Variants in BDH1 observed in about 807,000 individuals in gnomAD.
BDH1 encodes the protein D-beta-hydroxybutyrate dehydrogenase, mitochondrial.
BDH1 carries 30 observed loss-of-function variants against 33.1 expected under a neutral mutation model. The observed-to-expected ratio is 0.91, with a 90% CI of 0.68 to 1.23. BDH1 has a LOEUF of 1.23. Among genes scored for constraint, BDH1 ranks in the 50% most tolerant of loss-of-function variants. The pLI is 0.00. For synonymous variants in BDH1, 190 were observed against 183.6 expected, an observed-to-expected ratio of 1.03 and a Z score of -0.28; for missense variants, 443 against 464.4, an observed-to-expected ratio of 0.95 and a Z score of 0.42.
intron 2 of BDH1, among the ~76,000 whole-genome samples, chr3:197,553,644 C>G (rs13062106): frequency 6.6e-6 from 1 of 151,886 alleles, no homozygotes; most frequent in Non-Finnish European, 1.5e-5. Flanking sequence ...AGAGCAGAAG[C>G]AGGGAGACCC....
At position 197,511,808 on chromosome 3, in the gene BDH1, C is replaced by T. The variant is rs562942311; in HGVS notation, c.*87G>A. 1.3e-5 allele frequency: 16 copies of T among 1,268,920 alleles called. No homozygotes were observed. The highest frequency in any genetic ancestry group is 4.5e-5 in the African/African-American group (3 of 66,712). The allele number at this position is 1,268,920 out of a possible 1,614,324, so 78.6% of individuals were successfully genotyped here. A position where few individuals can be genotyped will look rare whatever the true frequency, so the allele number is the denominator to read the frequency against. On this transcript the variant is annotated 3_prime_UTR_variant, in exon 8 of 8. Transcript: ENST00000392379. ...TTCCTGGCATGGTGGATAATCCACACGTGGATAATCAAGAGTTGACTATAT... is the reference window on the plus strand; with the variant it reads ...TTCCTGGCATGGTGGATAATCCACATGTGGATAATCAAGAGTTGACTATAT...
chr3:197,515,229 C>G, intron 6 of BDH1: 1 of 957,286 alleles, frequency 1.0e-6, no homozygotes, highest in South Asian at 4.8e-5. Context: ...GGTGCCTTCT[C>G]CTTCAATTAT....
intron 1 of BDH1, among the ~76,000 whole-genome samples, chr3:197,563,050 T>G (rs1279683019): frequency 6.6e-6 from 1 of 152,230 alleles, no homozygotes; most frequent in Non-Finnish European, 1.5e-5. Context: ...TTTGGGTTTT[T>G]CTTGCAAGCT....
rs777270241 is a variant in BDH1 at position 197,511,962 on chromosome 3, CAGTAGT to C, written c.959_964del (p.Tyr320_Tyr321del). 1 of 1,605,300 alleles carries C rather than the reference CAGTAGT, an allele frequency of 6.2e-7. No individual in the cohort carries two copies. The highest frequency in any genetic ancestry group is 1.1e-5 in the South Asian group (1 of 89,646). The stretch of plus-strand genomic sequence containing the variant: ...GGTCATGATCTGCATTCGCAGCCAC[CAGTAGT>C]AGTCCATGGGGTGGTAGCGGGTGTA... On this transcript the variant is annotated inframe_deletion, in exon 8 of 8. Transcript: ENST00000392379.
At chr3:197,549,348 C>T (rs1159755041) in intron 2 of BDH1, among the ~76,000 whole-genome samples, 1 of 152,196 alleles carries the variant, frequency 6.6e-6, no homozygotes, top group African/African-American at 2.4e-5. Context: ...CACTCCTACT[C>T]CAGAAAAAAA....
At chr3:197,555,656 G>A (rs554151841) in intron 1 of BDH1, 125 bp downstream of exon 1, 128 of 152,454 alleles carry the variant, frequency 8.4e-4, no homozygotes, top group South Asian at 7.3e-3. Flanking sequence ...TGTAGGGCGC[G>A]AGCCCCCCTT....
chr3:197,553,976 C>G (rs1455144834), intron 2 of BDH1, among the ~76,000 whole-genome samples: 1 of 152,222 alleles, frequency 6.6e-6, no homozygotes, highest in African/African-American at 2.4e-5. Context: ...GCATTTCAAA[C>G]CCGAGGACAC....
At chr3:197,565,675 C>A (rs1310829660) in intron 1 of BDH1, among the ~76,000 whole-genome samples, 2 of 152,104 alleles carry the variant, frequency 1.3e-5, no homozygotes, top group East Asian at 3.9e-4. Flanking sequence ...TAAATTGTTG[C>A]TGCCACAGAG....
intron 1 of BDH1, 43 bp downstream of exon 1, chr3:197,555,738 G>A (rs1580006160): frequency 6.6e-6 from 1 of 152,314 alleles, no homozygotes; most frequent in Non-Finnish European, 1.5e-5. Context: ...AGGGCGCCAG[G>A]GAATCCCGCC....
At chr3:197,559,001 CTTT>C (rs796295489), upstream of BDH1, among the ~76,000 whole-genome samples, 3 of 137,208 alleles carry the variant, frequency 2.2e-5, no homozygotes, top group African/African-American at 2.7e-5. Context: ...GGCAATTGAA[CTTT>C]TTTTTTTTTT....
chr3:197,533,489 C>T lies in BDH1; in HGVS notation c.156G>A (p.Pro52=), dbSNP rs570279645. The change falls in exon 4 of 8, where the codon CCG becomes CCA. Residue 52 remains proline (P), a splice_region_variant and synonymous_variant. Coordinates refer to ENST00000392379, the MANE Select transcript of BDH1 (RefSeq NM_203314.3). The part of the protein sequence containing the change: ...GRRTYASAAE[P]VGSKAVLVTG... ...CCCGGGTAGCTGGGCTTCCACTCAC[C>T]GGCTCCGCCGCACTGGCATAAGTCC... is the stretch of plus-strand genomic sequence containing the variant. The T allele has an allele frequency of 2.8e-5, 45 of 1,614,096 alleles. No homozygotes were observed. In the African/African-American group the frequency reaches 2.9e-4, roughly 11 times the overall value.
chr3:197,545,302 T>C (rs1031925976), intron 3 of BDH1, among the ~76,000 whole-genome samples: 4 of 152,242 alleles, frequency 2.6e-5, no homozygotes, highest in Admixed American at 6.5e-5. Flanking sequence ...TTTGTACTTA[T>C]ATAATGCTTC....
intron 3 of BDH1, among the ~76,000 whole-genome samples, chr3:197,541,038 C>T (rs1291672561): frequency 2.0e-5 from 3 of 152,170 alleles, no homozygotes; most frequent in Admixed American, 6.5e-5. Flanking sequence ...GCTGGGATTG[C>T]CTCATCCTAC....
intron 2 of BDH1, among the ~76,000 whole-genome samples, chr3:197,551,623 T>A (rs536813585): frequency 6.6e-6 from 1 of 152,324 alleles, no homozygotes; most frequent in African/African-American, 2.4e-5. Context: ...GGTAGCTCTA[T>A]TTTTTGTTTT....
At chr3:197,515,366 C>T (rs1323869467) in intron 6 of BDH1, 7 of 985,626 alleles carry the variant, frequency 7.1e-6, no homozygotes, top group Non-Finnish European at 8.4e-6. Context: ...CCTGTGACCT[C>T]GCTCAGATGC....
Position 197,510,686 on chromosome 3 carries a change from T to TGTGTGTGTGTGTGTACATGTGTGTAAG in BDH1, c.*1208_*1209insCTTACACACATGTACACACACACACAC, listed in dbSNP as rs1711910876. On this transcript the variant is annotated 3_prime_UTR_variant, in exon 8 of 8. Coordinates refer to ENST00000392379, the MANE Select transcript of BDH1 (RefSeq NM_203314.3). ...TGTGTGTGTGTACATGTGTGTAAGG[T>TGTGTGTGTGTGTGTACATGTGTGTAAG]GTGTGTGTGTGTGTGTGTGTGTGTG... The TGTGTGTGTGTGTGTACATGTGTGTAAG allele has an allele frequency of 2.2e-5, 1 of 45,080 alleles. No homozygotes were observed. The highest frequency in any genetic ancestry group is 4.9e-5 in the Non-Finnish European group (1 of 20,482). The allele number at this position is 45,080 out of a possible 1,614,324, so 2.8% of individuals were successfully genotyped here.
At chr3:197,544,693 G>C (rs1428434157) in intron 3 of BDH1, among the ~76,000 whole-genome samples, 1 of 152,218 alleles carries the variant, frequency 6.6e-6, no homozygotes. Flanking sequence ...CTCATGTGGG[G>C]TCCTCAGGTA....
At chr3:197,550,401 C>T (rs1431730439) in intron 2 of BDH1, among the ~76,000 whole-genome samples, 1 of 152,236 alleles carries the variant, frequency 6.6e-6, no homozygotes, top group Non-Finnish European at 1.5e-5. Flanking sequence ...ACCACATACA[C>T]TCTGCAGTGA....
intron 2 of BDH1, among the ~76,000 whole-genome samples, chr3:197,546,689 C>T (rs34171945): frequency 0.24 from 36,981 of 152,044 alleles, 4,860 homozygotes; most frequent in Middle Eastern, 0.32. Context: ...GCCAGGGTGC[C>T]TGGAAGCCTG....
Sources: allele counts gnomAD v4.1 joint callset (sites outside exome capture counted in the v4.1 genomes callset), GRCh38; gene constraint gnomAD v4.1.1; transcripts MANE v1.5; gene names NCBI Gene and HGNC (gene_info 2026-07-23, HGNC 2026-07-21).